The following ATXN2 variants were observed in gnomAD, a reference collection of about 807,000 sequenced individuals.
ATXN2 encodes the protein ataxin-2.
In ATXN2, 37 loss-of-function variants were observed where a neutral mutation model predicts 138.6. The ratio of observed to expected loss-of-function variants is 0.27; its 90% CI spans 0.21 to 0.35. The LOEUF (loss-of-function observed/expected upper bound fraction) is 0.35, where lower values mean the gene tolerates loss of function less well. Among genes scored for constraint, ATXN2 ranks in the 10% least tolerant of loss-of-function variants. ATXN2 has a pLI of 1.00. For synonymous variants in ATXN2, 549 were observed against 543.7 expected (o/e 1.01, Z -0.13); for missense variants, 1,216 against 1,480.3 (o/e 0.82, Z 2.93).
At position 111,453,217 on chromosome 12, in the gene ATXN2, C is replaced by T; in HGVS notation, c.3440-377G>A. 3.7e-6 allele frequency: 4 copies of T among 1,085,792 alleles called. No individual in the cohort carries two copies. Among genetic ancestry groups the T allele is most frequent in the Non-Finnish European group, 4.5e-6 (4 of 894,218 alleles). The allele number at this position is 1,085,792 out of a possible 1,614,324, so 67.3% of individuals were successfully genotyped here. A position where few individuals can be genotyped will look rare whatever the true frequency, so the allele number is the denominator to read the frequency against. ...AGAGCACAATCACAGGGCGCTCTCCCCTGTTCAGGGGCTGGGGCTAACGCT... is the reference window on the plus strand; with the variant it reads ...AGAGCACAATCACAGGGCGCTCTCCTCTGTTCAGGGGCTGGGGCTAACGCT... On this transcript the variant is annotated intron_variant, in intron 24 of 24. Transcript: ENST00000673436. The surrounding 1 kb of genome is among the most constrained non-coding windows in gnomAD (Gnocchi z 5.4).
At chr12:111,544,060 G>A (rs1422679163) in intron 5 of ATXN2, among the ~76,000 whole-genome samples, 1 of 151,968 alleles carries the variant, frequency 6.6e-6, no homozygotes, top group Non-Finnish European at 1.5e-5. Context: ...CTGAGTGACA[G>A]AGCATGACCC....
intron 1 of ATXN2, among the ~76,000 whole-genome samples, chr12:111,577,010 T>C (rs1883701941): frequency 6.6e-6 from 1 of 151,610 alleles, no homozygotes; most frequent in South Asian, 2.1e-4. Flanking sequence ...TTTCACCACG[T>C]TGGCCACGCT....
At position 111,555,370 on chromosome 12, in the gene ATXN2, TATA is replaced by T. The variant is rs1882333840; in HGVS notation, c.288+510_288+512del. On this transcript the variant is annotated intron_variant, in intron 2 of 24. Transcript: ENST00000673436. The stretch of plus-strand genomic sequence containing the variant: ...TCCCCACCCAAATCTTATCTTTAAT[TATA>T]ATAATTCTCGTGTGTCAAGGGCAAG... Among the ~76,000 whole-genome samples, 3 of 152,272 alleles carry T rather than the reference TATA, an allele frequency of 2.0e-5. No individual in the cohort carries two copies. The South Asian group carries it at 6.2e-4, about 32-fold the overall frequency.
chr12:111,589,869 T>C (rs963026232), intron 1 of ATXN2, among the ~76,000 whole-genome samples: 3 of 149,968 alleles, frequency 2.0e-5, no homozygotes, highest in African/African-American at 7.3e-5. Context: ...CAATGAGCCA[T>C]GATGGCACCA....
upstream of ATXN2, chr12:111,599,336 G>A (rs1488271827): frequency 8.6e-6 from 10 of 1,163,140 alleles, no homozygotes; most frequent in Admixed American, 9.4e-5. Flanking sequence ...AGGGGGGCCG[G>A]GGCCGGGCGG....
At chr12:111,489,177 G>T (rs553453240) in intron 14 of ATXN2, among the ~76,000 whole-genome samples, 1 of 146,574 alleles carries the variant, frequency 6.8e-6, no homozygotes, top group African/African-American at 2.8e-5. Context: ...AAAAAAGAAA[G>T]GTTTCTCAGT....
intron 14 of ATXN2, among the ~76,000 whole-genome samples, chr12:111,506,535 A>G (rs1430565041): frequency 6.6e-6 from 1 of 152,162 alleles, no homozygotes; most frequent in Non-Finnish European, 1.5e-5. Context: ...AGTGTAGTAT[A>G]AGAGGAGACT....
chr12:111,582,174 T>C (rs1424610718), intron 1 of ATXN2, among the ~76,000 whole-genome samples: 2 of 152,078 alleles, frequency 1.3e-5, no homozygotes, highest in Non-Finnish European at 2.9e-5. Flanking sequence ...TACAAAAATT[T>C]TTTTAAATTG....
chr12:111,580,682 A>G (rs1592924821), intron 1 of ATXN2, among the ~76,000 whole-genome samples: 1 of 71,754 alleles, frequency 1.4e-5, no homozygotes, highest in African/African-American at 5.6e-5. Flanking sequence ...GGAGGGGGGG[A>G]GAGAGAAGGG....
At chr12:111,587,169 T>C (rs1884393619) in intron 1 of ATXN2, among the ~76,000 whole-genome samples, 1 of 151,872 alleles carries the variant, frequency 6.6e-6, no homozygotes, top group Non-Finnish European at 1.5e-5. Flanking sequence ...TCGAAATGTG[T>C]TTCAGGAATG....
chr12:111,515,645 C>G (rs929124390), intron 10 of ATXN2, among the ~76,000 whole-genome samples: 1 of 152,190 alleles, frequency 6.6e-6, no homozygotes, highest in African/African-American at 2.4e-5. Context: ...TAGAATTCTT[C>G]TGGCATTCTA....
At chr12:111,481,411 C>T (rs1877228725) in intron 18 of ATXN2, among the ~76,000 whole-genome samples, 1 of 152,152 alleles carries the variant, frequency 6.6e-6, no homozygotes, top group Non-Finnish European at 1.5e-5. Flanking sequence ...TGCCACTGTG[C>T]TCCAGCCTGG....
At chr12:111,560,607 T>C (rs1177437574) in intron 1 of ATXN2, among the ~76,000 whole-genome samples, 1 of 152,108 alleles carries the variant, frequency 6.6e-6, no homozygotes, top group Non-Finnish European at 1.5e-5. Flanking sequence ...TGTCACACTG[T>C]ACAGGGAGGG....
chr12:111,574,452 G>C (rs1001495944), intron 1 of ATXN2, among the ~76,000 whole-genome samples: 1 of 151,526 alleles, frequency 6.6e-6, no homozygotes, highest in African/African-American at 2.4e-5. Flanking sequence ...TGGGGGGATA[G>C]GGTCTCACTC....
chr12:111,453,078 G>A lies in ATXN2; in HGVS notation c.3440-238C>T. The A allele has an allele frequency of 1.6e-6, 2 of 1,281,640 alleles. No individual in the cohort carries two copies. Among genetic ancestry groups the A allele is most frequent in the Non-Finnish European group, 2.0e-6 (2 of 1,016,140 alleles). 79.4% of individuals were successfully genotyped at this position (1,281,640 alleles called of 1,614,324 possible). ...AAACTCCCAGAAGACTTGTTCATGG[G>A]GTAGAAAAAAAGGCCTTAACAAACC... On this transcript the variant is annotated intron_variant, in intron 24 of 24. Transcript: ENST00000673436. This position sits in a 1 kb window ranked among gnomAD's most constrained non-coding sequence, Gnocchi z 5.4.
intron 9 of ATXN2, among the ~76,000 whole-genome samples, chr12:111,517,365 A>G (rs905009968): frequency 7.2e-5 from 11 of 152,208 alleles, no homozygotes; most frequent in African/African-American, 2.4e-4. Flanking sequence ...AAAATACTCA[A>G]GAGTGTCCAT....
intron 14 of ATXN2, among the ~76,000 whole-genome samples, chr12:111,496,210 T>C (rs563207634): frequency 6.6e-6 from 1 of 151,718 alleles, no homozygotes; most frequent in South Asian, 2.1e-4. Flanking sequence ...GTTAAAATCA[T>C]ATCAACTATC....
intron 7 of ATXN2, 117 bp from the exon 8 acceptor site, chr12:111,520,193 A>T (rs987847151): frequency 5.1e-6 from 6 of 1,187,654 alleles, no homozygotes; most frequent in Non-Finnish European, 6.9e-6. Context: ...AACAGAAACT[A>T]AAACTAAAAC....
At chr12:111,503,320 C>G (rs1878899446) in intron 14 of ATXN2, among the ~76,000 whole-genome samples, 2 of 152,192 alleles carry the variant, frequency 1.3e-5, no homozygotes, top group African/African-American at 4.8e-5. Context: ...AGATGGTCAG[C>G]CCTCTTACTT....
Sources: allele counts gnomAD v4.1 joint callset (sites outside exome capture counted in the v4.1 genomes callset), GRCh38; gene constraint gnomAD v4.1.1; non-coding constraint Gnocchi (gnomAD v3.1); transcripts MANE v1.5; gene names NCBI Gene and HGNC (gene_info 2026-07-23, HGNC 2026-07-21).